The following ERLIN1 variants were observed in gnomAD, a reference collection of about 807,000 sequenced individuals.
ERLIN1 encodes the protein ER lipid raft associated 1.
ERLIN1 carries 24 observed loss-of-function variants against 46.9 expected under a neutral mutation model. The observed-to-expected ratio is 0.51, with a 90% CI of 0.37 to 0.72. ERLIN1 has a LOEUF of 0.72. Among genes scored for constraint, ERLIN1 ranks in the 30% least tolerant of loss-of-function variants. The pLI is 0.00. For missense variants in ERLIN1, 293 were observed against 417.9 expected (o/e 0.70, Z 2.61); for synonymous variants, 158 against 143.2 (o/e 1.10, Z -0.74).
chr10:100,169,300 G>GA (rs1020748044), intron 6 of ERLIN1, among the ~76,000 whole-genome samples: 70 of 151,634 alleles, frequency 4.6e-4, no homozygotes, highest in African/African-American at 1.6e-3. Context: ...GTGAATGGAG[G>GA]AAAAAAATGG....
At chr10:100,165,595 C>T (rs976163712) in intron 7 of ERLIN1, among the ~76,000 whole-genome samples, 1 of 152,030 alleles carries the variant, frequency 6.6e-6, no homozygotes, top group African/African-American at 2.4e-5. Context: ...ATTGTGTTAG[C>T]TAGGATGGTC....
chr10:100,162,069 T>A (rs1350321245), intron 8 of ERLIN1, among the ~76,000 whole-genome samples: 11 of 152,204 alleles, frequency 7.2e-5, no homozygotes, highest in Admixed American at 2.0e-4. Flanking sequence ...ACACAAAAAC[T>A]ACACATATAT....
At chr10:100,165,751 A>G (rs966757347) in intron 7 of ERLIN1, among the ~76,000 whole-genome samples, 3 of 151,954 alleles carry the variant, frequency 2.0e-5, no homozygotes, top group African/African-American at 7.3e-5. Flanking sequence ...TTTGAGACAG[A>G]GTTTCGTTCT....
Position 100,183,827 on chromosome 10 carries a change from A to G in ERLIN1, c.124T>C (p.Leu42=). The G allele has an allele frequency of 6.2e-7, 1 of 1,611,930 alleles. No individual in the cohort carries two copies. Among genetic ancestry groups the G allele is most frequent in the Non-Finnish European group, 8.5e-7 (1 of 1,178,166 alleles). ...HLAVYYRGGA[L]LTSPSGPGYH... is the part of the protein sequence containing the mutation. The stretch of plus-strand genomic sequence containing the variant: ...CCTGGTCCACTGGGGCTAGTTAGTA[A>G]AGCTCCTCCCCTGCAAAAAGATGTT... Residue 42 remains leucine (L), a synonymous_variant, in exon 2 of 11, where the codon TTA becomes CTA. Coordinates refer to ENST00000421367, the MANE Select transcript of ERLIN1 (RefSeq NM_006459.4).
chr10:100,179,131 T>C (rs1844484470), intron 3 of ERLIN1, 70 bp downstream of exon 3: 1 of 1,180,050 alleles, frequency 8.5e-7, no homozygotes, highest in East Asian at 2.5e-5. Flanking sequence ...TATGTCTAAG[T>C]GATCATAGCT....
At chr10:100,176,679 A>G (rs2134165283) in intron 4 of ERLIN1, among the ~76,000 whole-genome samples, 1 of 152,338 alleles carries the variant, frequency 6.6e-6, no homozygotes, top group Non-Finnish European at 1.5e-5. Context: ...AAACTAAGAA[A>G]CAGAGAATTT....
intron 10 of ERLIN1, 70 bp from the exon 11 acceptor site, chr10:100,152,422 A>G (rs1313993477): frequency 7.9e-6 from 7 of 880,602 alleles, no homozygotes; most frequent in South Asian, 1.3e-5. Flanking sequence ...CTCCCTATAT[A>G]CATTTCACCT....
rs187410345 is a variant in ERLIN1, at chr10:100,150,335, T to C, written c.*1796A>G. ...CAGCCCCGCCTCCAGGGCCATCACT[T>C]TGGGGCAACAGCTTTTGCTCATGTA... is the stretch of plus-strand genomic sequence containing the variant. On this transcript the variant is annotated 3_prime_UTR_variant, in exon 11 of 11. Transcript: ENST00000421367. 7.2e-5 allele frequency: 11 copies of C among 152,698 alleles called. No individual in the cohort carries two copies. The highest frequency in any genetic ancestry group is 2.2e-4 in the African/African-American group (9 of 41,548). The allele number at this position is 152,698 out of a possible 1,614,324, so 9.5% of individuals were successfully genotyped here.
intron 9 of ERLIN1, 69 bp from the exon 10 acceptor site, chr10:100,155,008 C>T: frequency 7.9e-7 from 1 of 1,271,954 alleles, no homozygotes; most frequent in Non-Finnish European, 1.1e-6. Flanking sequence ...TTCCCCACTG[C>T]TTAATATTGT....
rs1051107990 is a variant in ERLIN1, at chr10:100,152,013, G to C, written c.*118C>G. ...AGTGGAGCACCCAGGACTATCGCAGGAGAGGTGGAACAGATGAAGTGTAAG... is the reference window on the plus strand; with the variant it reads ...AGTGGAGCACCCAGGACTATCGCAGCAGAGGTGGAACAGATGAAGTGTAAG... On this transcript the variant is annotated 3_prime_UTR_variant, in exon 11 of 11. Transcript: ENST00000421367. 4.0e-6 allele frequency: 3 copies of C among 741,524 alleles called. No individual in the cohort carries two copies. In the African/African-American group the frequency reaches 5.2e-5, roughly 13 times the overall value. The allele number at this position is 741,524 out of a possible 1,614,324, so 45.9% of individuals were successfully genotyped here.
chr10:100,168,593 G>A (rs1256519495), intron 6 of ERLIN1, among the ~76,000 whole-genome samples: 2 of 151,970 alleles, frequency 1.3e-5, no homozygotes, highest in Admixed American at 6.6e-5. Context: ...GGATTAATAT[G>A]ATTCAAGGAA....
In ERLIN1 at chr10:100,166,289, A is replaced by G. The variant is rs147095868; in HGVS notation, c.563+1059T>C. Among the ~76,000 whole-genome samples the G allele has an allele frequency of 1.9e-3, 283 of 152,172 alleles. 3 individuals are homozygous for G. Among genetic ancestry groups the G allele is most frequent in the Non-Finnish European group, 1.4e-3 (98 of 67,988 alleles). ...ACAAAATTTAGCTAGGTGTGGTGGC[A>G]TGCACTGGTAGTCCCAACTACTCAG... On this transcript the variant is annotated intron_variant, in intron 7 of 10. Transcript: ENST00000421367.
intron 8 of ERLIN1, among the ~76,000 whole-genome samples, chr10:100,162,639 A>C (rs1843417064): frequency 6.6e-6 from 1 of 152,234 alleles, no homozygotes; most frequent in Admixed American, 6.5e-5. Context: ...TTTATGAGGA[A>C]CCAATAAATT....
chr10:100,183,254 C>T (rs573029170), intron 2 of ERLIN1, among the ~76,000 whole-genome samples: 33 of 152,266 alleles, frequency 2.2e-4, no homozygotes, highest in African/African-American at 7.7e-4. Context: ...TCAAATATCC[C>T]GGGATGCCAT....
chr10:100,151,747 T>C lies in ERLIN1; in HGVS notation c.*384A>G, dbSNP rs1842810114. On this transcript the variant is annotated 3_prime_UTR_variant, in exon 11 of 11. Coordinates refer to ENST00000421367, the MANE Select transcript of ERLIN1 (RefSeq NM_006459.4). ...ATCTCCTTCTCAGTCATCTCTTGAA[T>C]GGTGGCTGAGCATACATTTCCCCGG... 5 of 316,170 alleles carry C rather than the reference T, an allele frequency of 1.6e-5. No individual in the cohort carries two copies. Among genetic ancestry groups the C allele is most frequent in the South Asian group, 1.4e-4 (5 of 35,222 alleles). 19.6% of individuals were successfully genotyped at this position (316,170 alleles called of 1,614,324 possible). A position where few individuals can be genotyped will look rare whatever the true frequency, so the allele number is the denominator to read the frequency against.
intron 2 of ERLIN1, among the ~76,000 whole-genome samples, chr10:100,179,469 T>C (rs1844507463): frequency 6.6e-6 from 1 of 152,088 alleles, no homozygotes; most frequent in South Asian, 2.1e-4. Flanking sequence ...TTTTTTTTTT[T>C]TTTTGGAGAC....
chr10:100,176,729 C>G (rs1482449573), intron 4 of ERLIN1, among the ~76,000 whole-genome samples: 2 of 152,134 alleles, frequency 1.3e-5, no homozygotes, highest in Non-Finnish European at 2.9e-5. Context: ...CACGTCAGAA[C>G]CTGTTCTTTA....
At chr10:100,162,922 G>A (rs1028614889) in intron 8 of ERLIN1, among the ~76,000 whole-genome samples, 8 of 152,146 alleles carry the variant, frequency 5.3e-5, no homozygotes, top group African/African-American at 1.9e-4. Flanking sequence ...GTATCCAGGA[G>A]GCACTGGATA....
At chr10:100,169,056 T>G (rs1843827320) in intron 6 of ERLIN1, among the ~76,000 whole-genome samples, 1 of 152,200 alleles carries the variant, frequency 6.6e-6, no homozygotes, top group South Asian at 2.1e-4. Flanking sequence ...TTGCCAATCT[T>G]GGGAAATCTC....
Sources: allele counts gnomAD v4.1 joint callset (sites outside exome capture counted in the v4.1 genomes callset), GRCh38; gene constraint gnomAD v4.1.1; transcripts MANE v1.5; gene names NCBI Gene and HGNC (gene_info 2026-07-23, HGNC 2026-07-21).